Variants in ZNF836 observed in about 807,000 individuals in gnomAD.
ZNF836 encodes zinc finger protein 836.
Under a neutral mutation model 7.4 loss-of-function variants are expected in ZNF836, and 12 were observed. That is an observed-to-expected ratio of 1.61 (90% CI 1.03 to 2.61). ZNF836 has a LOEUF of 2.61. Among genes scored for constraint, ZNF836 ranks in the 30% most tolerant of loss-of-function variants. The pLI is 0.00. For synonymous variants in ZNF836, 365 were observed against 382.6 expected, an observed-to-expected ratio of 0.95 and a Z score of 0.54; for missense variants, 998 against 1,126.2, an observed-to-expected ratio of 0.89 and a Z score of 1.63.
chr19:52,166,576 T>C (rs977824023), intron 3 of ZNF836, among the ~76,000 whole-genome samples: 4 of 34,400 alleles, frequency 1.2e-4, no homozygotes, highest in African/African-American at 2.5e-4. Context: ...TACCAACTTC[T>C]TTTTTTTTTT....
At chr19:52,160,186 TAAAAAAAA>T (rs35190507) in intron 4 of ZNF836, 24 of 369,934 alleles carry the variant, frequency 6.5e-5, no homozygotes, top group Middle Eastern at 1.4e-3. Flanking sequence ...CTGTCTCCAT[TAAAAAAAA>T]AAAAAAAAAA....
intron 3 of ZNF836, among the ~76,000 whole-genome samples, chr19:52,165,961 A>C (rs557297132): frequency 6.6e-6 from 1 of 152,144 alleles, no homozygotes; most frequent in South Asian, 2.1e-4. Context: ...TTAAATTTTC[A>C]GAATATATAT....
intron 3 of ZNF836, chr19:52,165,220 G>A (rs913491117): frequency 2.0e-5 from 3 of 152,126 alleles, no homozygotes; most frequent in African/African-American, 7.2e-5. Flanking sequence ...ATTTATTTTT[G>A]CTTTTGTGGT....
Position 52,154,960 on chromosome 19 carries a change from T to C in ZNF836, c.2723A>G (p.His908Arg). 1 of 1,595,170 alleles carries C rather than the reference T, an allele frequency of 6.3e-7. No homozygotes were observed. The highest frequency in any genetic ancestry group is 8.5e-7 in the Non-Finnish European group (1 of 1,170,498). ...ACTCTCTGCAGTATGTTTTGTCTGATGTTTAGTGAGGCCTGAGCGACTAAT... is the reference window on the plus strand; with the variant it reads ...ACTCTCTGCAGTATGTTTTGTCTGACGTTTAGTGAGGCCTGAGCGACTAAT... ...SFISRSGLTK[H>R]QTKHTAESLK... Residue 908 changes from histidine to arginine, a missense_variant, in exon 5 of 5, where the codon CAT (histidine) becomes CGT (arginine). Physicochemically the swap from His to Arg is conservative, Grantham distance 29. Transcript: ENST00000682614.
At chr19:52,163,458 T>C (rs527759969) in intron 3 of ZNF836, among the ~76,000 whole-genome samples, 1 of 152,174 alleles carries the variant, frequency 6.6e-6, no homozygotes, top group African/African-American at 2.4e-5. Flanking sequence ...CTAACAAACA[T>C]CTTAGTTCAT....
In ZNF836 at chr19:52,171,153, G is replaced by A. The variant is rs1304935915; in HGVS notation, c.-215+183C>T. 6 of 152,420 alleles carry A rather than the reference G, an allele frequency of 3.9e-5. No individual in the cohort carries two copies. The East Asian group carries it at 9.7e-4, about 25-fold the overall frequency. The allele number at this position is 152,420 out of a possible 1,614,324, so 9.4% of individuals were successfully genotyped here. A position where few individuals can be genotyped will look rare whatever the true frequency, so the allele number is the denominator to read the frequency against. Reference sequence around the variant, plus strand: ...AGAAGCTCCGGGGTCGCAACGGGCGGGAATCCACCTCCCGAGTGAGGACTC... The same window carrying A: ...AGAAGCTCCGGGGTCGCAACGGGCGAGAATCCACCTCCCGAGTGAGGACTC... On this transcript the variant is annotated intron_variant, in intron 1 of 4. Transcript: ENST00000682614.
In ZNF836 at chr19:52,168,126, A is replaced by C; in HGVS notation, c.-54T>G. 1 of 1,590,108 alleles carries C rather than the reference A, an allele frequency of 6.3e-7. No homozygotes were observed. Among genetic ancestry groups the C allele is most frequent in the African/African-American group, 1.4e-5 (1 of 73,630 alleles). On this transcript the variant is annotated 5_prime_UTR_variant, in exon 3 of 5. Transcript: ENST00000682614. Reference sequence around the variant, plus strand: ...CTCTTCTGGGCTTCTCTCTCAGTCAATATAATTAATTCTTTACAAGTCAAA... The same window carrying C: ...CTCTTCTGGGCTTCTCTCTCAGTCACTATAATTAATTCTTTACAAGTCAAA...
In ZNF836 at chr19:52,156,578, G is replaced by T. The variant is rs1449098772; in HGVS notation, c.1105C>A (p.Gln369Lys). The T allele has an allele frequency of 6.2e-7, 1 of 1,613,804 alleles. No homozygotes were observed. The highest frequency in any genetic ancestry group is 8.5e-7 in the Non-Finnish European group (1 of 1,179,946). ...QCDICGKVFR[Q>K]NSNLVNHQRI... ...TGGTGATTTACAAGATTAGAATTCTGCCTGAAGACCTTGCCACATATATCA... is the reference window on the plus strand; with the variant it reads ...TGGTGATTTACAAGATTAGAATTCTTCCTGAAGACCTTGCCACATATATCA... Residue 369 changes from glutamine to lysine, a missense_variant, in exon 5 of 5, where the codon CAG becomes AAG. Transcript: ENST00000682614.
At position 52,154,722 on chromosome 19, in the gene ZNF836, A is replaced by T. The variant is rs1021179325; in HGVS notation, c.*150T>A. The stretch of plus-strand genomic sequence containing the variant: ...AACTCACTATCCCAAGAAGAGCAAA[A>T]AGCGGGTGGTGCTAAACCATTCTTG... On this transcript the variant is annotated 3_prime_UTR_variant, in exon 5 of 5. Transcript: ENST00000682614. The T allele has an allele frequency of 1.6e-6, 1 of 640,758 alleles. No homozygotes were observed. Among genetic ancestry groups the T allele is most frequent in the African/African-American group, 1.8e-5 (1 of 54,310 alleles). 39.7% of individuals were successfully genotyped at this position (640,758 alleles called of 1,614,324 possible).
At chr19:52,165,539 CCT>C (rs1232707394) in intron 3 of ZNF836, among the ~76,000 whole-genome samples, 1 of 152,212 alleles carries the variant, frequency 6.6e-6, no homozygotes, top group African/African-American at 2.4e-5. Context: ...CAACTTGACA[CCT>C]CTCACTGACT....
At chr19:52,160,206 AGTACCATTATACTGACT>A in intron 4 of ZNF836, 1 of 465,388 alleles carries the variant, frequency 2.1e-6, no homozygotes, top group Non-Finnish European at 3.7e-6. Flanking sequence ...AAAAAAAAAA[AGTACCATTATACTGACT>A]AATACTTAAA....
rs1002448629 is a variant in ZNF836, at chr19:52,161,918, G to A, written c.16-1327C>T. On this transcript the variant is annotated intron_variant, in intron 3 of 4. Transcript: ENST00000682614. The surrounding 1 kb of genome is among the most constrained non-coding windows in gnomAD (Gnocchi z 4.1). The stretch of plus-strand genomic sequence containing the variant: ...GAGTTATGTGCTTCCAAAATACAAT[G>A]GTGGGGCAGACACAGGTTAAATATT... 3.3e-5 allele frequency among the ~76,000 whole-genome samples: 5 copies of A among 152,182 alleles called. No individual in the cohort carries two copies. The highest frequency in any genetic ancestry group is 7.3e-5 in the Non-Finnish European group (5 of 68,048).
chr19:52,160,643 A>G, intron 3 of ZNF836, 52 bp from the exon 4 acceptor site: 1 of 1,539,854 alleles, frequency 6.5e-7, no homozygotes. Context: ...TCTTATCTAT[A>G]CATAAAATGA....
In ZNF836 at chr19:52,155,257, T is replaced by C. The variant is rs8113504; in HGVS notation, c.2426A>G (p.Asn809Ser). 256,354 of 1,614,028 alleles carry C rather than the reference T, an allele frequency of 0.16. 25,943 individuals are homozygous for C. Among genetic ancestry groups the C allele is most frequent in the African/African-American group, 0.45 (33,720 of 74,942 alleles). Residue 809 changes from asparagine (N) to serine (S), a missense_variant, in exon 5 of 5, where the codon AAT (asparagine) becomes AGT (serine). Asn to Ser is a conservative substitution (Grantham distance 46). Coordinates refer to ENST00000682614, the MANE Select transcript of ZNF836 (RefSeq NM_001102657.3). The part of the protein sequence containing the change: ...IHTGEKPYVC[N>S]ECGKAFRVRS... ...CACTCTAAAGGCTTTGCCACACTCA[T>C]TACACACGTAAGGTTTCTCTCCAGT...
At chr19:52,167,787 G>T (rs1938581448) in intron 3 of ZNF836, among the ~76,000 whole-genome samples, 1 of 152,142 alleles carries the variant, frequency 6.6e-6, no homozygotes, top group Non-Finnish European at 1.5e-5. Context: ...CAACAGCTCT[G>T]ACATTGTGGG....
chr19:52,160,741 T>A (rs1291428059), intron 3 of ZNF836, 150 bp from the exon 4 acceptor site: 4 of 920,884 alleles, frequency 4.3e-6, no homozygotes, highest in Non-Finnish European at 6.3e-6. Flanking sequence ...TGTCCCTAAT[T>A]TAAGTTTGTT....
At position 52,156,139 on chromosome 19, in the gene ZNF836, C is replaced by T. The variant is rs760954576; in HGVS notation, c.1544G>A (p.Arg515Gln). 1.7e-5 allele frequency: 28 copies of T among 1,613,974 alleles called. No individual in the cohort carries two copies. Among genetic ancestry groups the T allele is most frequent in the South Asian group, 3.3e-5 (3 of 91,088 alleles). Residue 515 changes from arginine to glutamine, a missense_variant, in exon 5 of 5, where the codon CGA (arginine) becomes CAA (glutamine). Arg to Gln is a conservative substitution (Grantham distance 43). Transcript: ENST00000682614. ...CTCTCTGGTATGAATTATCTTATGT[C>T]GAGTGAGTAATGAGCCCTGTTTAAA... Reference protein sequence around the residue: ...KAFKQGSLLTRHKIIHTREKR... With the variant: ...KAFKQGSLLTQHKIIHTREKR...
At position 52,155,643 on chromosome 19, in the gene ZNF836, G is replaced by A. The variant is rs751150518; in HGVS notation, c.2040C>T (p.Ser680=). ...DCGKAYTQRS[S]LTKHLIIHTG... ...TATGAATTATCAGATGTTTAGTGAG[G>A]CTTGAACGCTGAGTATAGGCTTTGC... is the stretch of plus-strand genomic sequence containing the variant. Residue 680 remains serine (S), a synonymous_variant, in exon 5 of 5, where the codon AGC becomes AGT. Coordinates refer to ENST00000682614, the MANE Select transcript of ZNF836 (RefSeq NM_001102657.3). The A allele has an allele frequency of 6.2e-7, 1 of 1,613,848 alleles. No homozygotes were observed. Among genetic ancestry groups the A allele is most frequent in the South Asian group, 1.1e-5 (1 of 91,050 alleles).
At position 52,169,795 on chromosome 19, in the gene ZNF836, G is replaced by GAA. The variant is rs11438599; in HGVS notation, c.-214-16_-214-15dup. 2.1e-4 allele frequency: 16 copies of GAA among 75,664 alleles called. No homozygotes were observed. Among genetic ancestry groups the GAA allele is most frequent in the African/African-American group, 3.9e-4 (8 of 20,758 alleles). The allele number at this position is 75,664 out of a possible 1,614,324, so 4.7% of individuals were successfully genotyped here. A position where few individuals can be genotyped will look rare whatever the true frequency, so the allele number is the denominator to read the frequency against. On this transcript the variant is annotated splice_polypyrimidine_tract_variant and intron_variant, in intron 1 of 4. Transcript: ENST00000682614. ...CAGAGCAAGACCCTGTCTCAAAAAA[G>GAA]AAAAAAAAAAAAAAAAGACATACCT... is the stretch of plus-strand genomic sequence containing the variant.
Sources: gnomAD v4.1 joint callset for allele counts (sites outside exome capture counted in the v4.1 genomes callset) on GRCh38, gnomAD v4.1.1 for gene constraint, Gnocchi (gnomAD v3.1) non-coding constraint, MANE v1.5 for transcripts, NCBI Gene and HGNC (gene_info 2026-07-23, HGNC 2026-07-21) for gene names.